GALNT14: variants seen among roughly 807,000 people sequenced by gnomAD.
GALNT14 encodes polypeptide N-acetylgalactosaminyltransferase 14, also known as UDP-GalNAc:polypeptide N-acetylgalactosaminyltransferase 14.
A neutral mutation model predicts 77.5 loss-of-function variants in GALNT14; 60 were observed. The observed-to-expected ratio is 0.77, with a 90% confidence interval of 0.63 to 0.96. The LOEUF (loss-of-function observed/expected upper bound fraction) is 0.96, where lower values mean the gene tolerates loss of function less well. GALNT14 is among the 40% of genes least tolerant of loss of function. The pLI is 0.00. For missense variants in GALNT14, 710 were observed against 731.0 expected (o/e 0.97, Z 0.33); for synonymous variants, 280 against 281.7 (o/e 0.99, Z 0.06).
At chr2:31,079,430 G>A (rs75314364) in intron 1 of GALNT14, among the ~76,000 whole-genome samples, 3,365 of 152,258 alleles carry the variant, frequency 0.022, 55 homozygotes, top group African/African-American at 0.04. Flanking sequence ...CTGAGCCCTC[G>A]GACTGTCCTG....
the GALNT14 span, among the ~76,000 whole-genome samples, chr2:30,887,596 G>T: frequency 6.6e-6 from 1 of 152,050 alleles, no homozygotes; most frequent in African/African-American, 2.4e-5. Flanking sequence ...TAAAATAAAA[G>T]TTCTTTATAT....
At chr2:30,959,502 A>G (rs550120583) in intron 3 of GALNT14, among the ~76,000 whole-genome samples, 2 of 152,330 alleles carry the variant, frequency 1.3e-5, no homozygotes, top group Non-Finnish European at 2.9e-5. Flanking sequence ...ACTTACTACA[A>G]GCTGTGTAAT....
chr2:31,030,266 C>A (rs527639622), intron 1 of GALNT14, among the ~76,000 whole-genome samples: 31 of 152,146 alleles, frequency 2.0e-4, no homozygotes, highest in Non-Finnish European at 3.5e-4. Flanking sequence ...GAAATGTCAG[C>A]TGTAATAGCA....
At chr2:30,896,373 C>T in the GALNT14 span, among the ~76,000 whole-genome samples, 1 of 152,200 alleles carries the variant, frequency 6.6e-6, no homozygotes, top group Non-Finnish European at 1.5e-5. Context: ...GTGTGAGAGG[C>T]AGCAGAGCCT....
intron 10 of GALNT14, 57 bp from the exon 11 acceptor site, chr2:30,929,544 T>C: frequency 7.7e-7 from 1 of 1,296,046 alleles, no homozygotes; most frequent in Middle Eastern, 2.0e-4. Context: ...AGAGGCCCTG[T>C]GAGTGCCAGT....
intron 2 of GALNT14, among the ~76,000 whole-genome samples, chr2:30,967,214 G>A (rs911954866): frequency 5.9e-5 from 9 of 152,146 alleles, no homozygotes; most frequent in Non-Finnish European, 1.2e-4. Flanking sequence ...ACCCAGGGAT[G>A]GACTTCAAGG....
chr2:31,107,052 G>A (rs1677594299), intron 1 of GALNT14, among the ~76,000 whole-genome samples: 1 of 152,200 alleles, frequency 6.6e-6, no homozygotes, highest in Non-Finnish European at 1.5e-5. Context: ...AAATATTTGT[G>A]TGCTTTCCTG....
At chr2:30,940,001 A>C (rs1573000900) in intron 9 of GALNT14, among the ~76,000 whole-genome samples, 1 of 52,528 alleles carries the variant, frequency 1.9e-5, no homozygotes, top group Non-Finnish European at 3.6e-5. Flanking sequence ...ATAAAATGCC[A>C]AAAAAAAAAA....
chr2:30,944,542 C>T (rs960914312), intron 8 of GALNT14, among the ~76,000 whole-genome samples: 3 of 152,186 alleles, frequency 2.0e-5, no homozygotes, highest in African/African-American at 4.8e-5. Flanking sequence ...GACCATCTTT[C>T]CCCTCACTAG....
Position 30,942,628 on chromosome 2 carries a change from C to T in GALNT14, c.828-324G>A, listed in dbSNP as rs138976225. ...CAGGACTCCTGCTATTCCGATGACCCAGGGAGCTTCCCCAAGCCTCTTCCA... is the reference window on the plus strand; with the variant it reads ...CAGGACTCCTGCTATTCCGATGACCTAGGGAGCTTCCCCAAGCCTCTTCCA... On this transcript the variant is annotated intron_variant, in intron 8 of 14. Coordinates refer to ENST00000349752, the MANE Select transcript of GALNT14 (RefSeq NM_024572.4). Among the ~76,000 whole-genome samples the T allele has an allele frequency of 3.2e-4, 48 of 152,266 alleles. No homozygotes were observed. In the South Asian group the frequency reaches 4.8e-3, roughly 15 times the overall value.
the GALNT14 span, among the ~76,000 whole-genome samples, chr2:30,904,860 A>G: frequency 6.6e-6 from 1 of 152,068 alleles, no homozygotes; most frequent in Non-Finnish European, 1.5e-5. Context: ...GCAGCTGGAG[A>G]TCTGAGAACG....
At chr2:31,060,795 C>A (rs1473584128) in intron 1 of GALNT14, among the ~76,000 whole-genome samples, 1 of 152,194 alleles carries the variant, frequency 6.6e-6, no homozygotes, top group African/African-American at 2.4e-5. Context: ...TCTGCAGAAC[C>A]ACCTGGCTCT....
At chr2:30,940,188 C>T (rs1246780110) in intron 9 of GALNT14, among the ~76,000 whole-genome samples, 1 of 152,192 alleles carries the variant, frequency 6.6e-6, no homozygotes, top group Non-Finnish European at 1.5e-5. Flanking sequence ...CCCTCTCCAA[C>T]TTCTCTATTC....
chr2:30,964,628 G>C (rs1296978034), intron 3 of GALNT14, among the ~76,000 whole-genome samples: 1 of 152,214 alleles, frequency 6.6e-6, no homozygotes, highest in Non-Finnish European at 1.5e-5. Flanking sequence ...GTGGCTGGAG[G>C]AAGAAGCCAG....
intron 1 of GALNT14, among the ~76,000 whole-genome samples, chr2:31,082,668 A>T (rs1384463013): frequency 2.0e-5 from 3 of 152,210 alleles, no homozygotes; most frequent in Non-Finnish European, 4.4e-5. Context: ...GCATATGGAA[A>T]GTGCTCAATG....
the GALNT14 span, among the ~76,000 whole-genome samples, chr2:30,892,377 A>G: frequency 2.6e-5 from 4 of 152,330 alleles, no homozygotes; most frequent in South Asian, 6.2e-4. Flanking sequence ...AGGTATAAAG[A>G]GATGTTTAAA....
At chr2:30,996,000 G>A (rs1670007690) in intron 1 of GALNT14, among the ~76,000 whole-genome samples, 2 of 152,180 alleles carry the variant, frequency 1.3e-5, no homozygotes, top group African/African-American at 4.8e-5. Context: ...ATCAGCAGGA[G>A]GAATTCCCTC....
At chr2:30,910,142 A>G (rs371158018), downstream of GALNT14, among the ~76,000 whole-genome samples, 615 of 151,764 alleles carry the variant, frequency 4.1e-3, 10 homozygotes, top group South Asian at 0.031. Context: ...GTGCACCAGC[A>G]TGGCACATGT....
intron 13 of GALNT14, among the ~76,000 whole-genome samples, chr2:30,922,195 G>A (rs1446808311): frequency 1.1e-4 from 16 of 151,878 alleles, no homozygotes. Context: ...GTTCATTGTG[G>A]GCATGGACTC....
Sources: gnomAD v4.1 joint callset for allele counts (sites outside exome capture counted in the v4.1 genomes callset) on GRCh38, gnomAD v4.1.1 for gene constraint, MANE v1.5 for transcripts, NCBI Gene and HGNC (gene_info 2026-07-23, HGNC 2026-07-21) for gene names.